DYNC2LI1: variants seen among roughly 807,000 people sequenced by gnomAD.
DYNC2LI1 encodes cytoplasmic dynein 2 light intermediate chain 1.
A neutral mutation model predicts 51.9 loss-of-function variants in DYNC2LI1; 45 were observed. The ratio of observed to expected loss-of-function variants is 0.87; its 90% CI spans 0.68 to 1.11. DYNC2LI1 has a LOEUF of 1.11. DYNC2LI1 is among the 50% of genes most tolerant of loss of function. DYNC2LI1 has a pLI of 0.00. For synonymous variants in DYNC2LI1, 130 were observed against 137.8 expected, an observed-to-expected ratio of 0.94 and a Z score of 0.40; for missense variants, 490 against 417.4, an observed-to-expected ratio of 1.17 and a Z score of -1.51.
At chr2:43,799,426 A>T (rs1056480907) in intron 8 of DYNC2LI1, among the ~76,000 whole-genome samples, 1 of 152,206 alleles carries the variant, frequency 6.6e-6, no homozygotes, top group Non-Finnish European at 1.5e-5. Context: ...GGACCAGGAG[A>T]ATATCACCTA....
In DYNC2LI1 at chr2:43,781,068, T is replaced by TA. The variant is rs372144534; in HGVS notation, c.127-2450dup. 2.0e-4 allele frequency among the ~76,000 whole-genome samples: 30 copies of TA among 152,202 alleles called. 1 individual carries two copies. The highest frequency in any genetic ancestry group is 7.0e-4 in the African/African-American group (29 of 41,538). On this transcript the variant is annotated intron_variant, in intron 2 of 12. Transcript: ENST00000260605. ...AGTGCTATACATTTATATGAAATAA[T>TA]AATAAAAGTGATTTAAGGCCAGGCG...
the DYNC2LI1 span, chr2:43,827,971 G>A: frequency 6.2e-7 from 1 of 1,613,764 alleles, no homozygotes; most frequent in Non-Finnish European, 8.5e-7. Context: ...AACAGTTCTG[G>A]GTGCCACTTA....
chr2:43,813,710 T>TTG (rs1491303474), downstream of DYNC2LI1, among the ~76,000 whole-genome samples: 10 of 46,074 alleles, frequency 2.2e-4, no homozygotes, highest in African/African-American at 1.9e-3. Flanking sequence ...TTTTTTTTCG[T>TTG]TTTTTTTTTT....
chr2:43,825,731 C>G, the DYNC2LI1 span, among the ~76,000 whole-genome samples: 3 of 151,842 alleles, frequency 2.0e-5, no homozygotes, highest in South Asian at 4.2e-4. Flanking sequence ...CTCAGCTTCC[C>G]GAATAGCTGG....
chr2:43,779,153 C>T (rs767303977), intron 2 of DYNC2LI1, among the ~76,000 whole-genome samples: 7 of 152,022 alleles, frequency 4.6e-5, no homozygotes, highest in Non-Finnish European at 5.9e-5. Flanking sequence ...GTCCCAGCTA[C>T]GTGGAAGACT....
the DYNC2LI1 span, among the ~76,000 whole-genome samples, chr2:43,825,601 G>A: frequency 1.3e-5 from 2 of 150,442 alleles, no homozygotes; most frequent in Non-Finnish European, 3.0e-5. Context: ...TTGTTGTTTT[G>A]TTGTTATTGT....
chr2:43,826,831 G>C, the DYNC2LI1 span, among the ~76,000 whole-genome samples: 1 of 152,194 alleles, frequency 6.6e-6, no homozygotes. Context: ...AGGGCTGGCA[G>C]GCTGGCATCA....
At chr2:43,825,185 C>T in the DYNC2LI1 span, among the ~76,000 whole-genome samples, 3 of 152,160 alleles carry the variant, frequency 2.0e-5, no homozygotes, top group Non-Finnish European at 4.4e-5. Flanking sequence ...ATGACCTTGG[C>T]CCTGCATCAG....
intron 2 of DYNC2LI1, among the ~76,000 whole-genome samples, chr2:43,782,315 C>CA (rs992884601): frequency 9.9e-5 from 15 of 151,876 alleles, no homozygotes; most frequent in African/African-American, 3.6e-4. Context: ...TATCTCATTA[C>CA]AAAAAATTTA....
In DYNC2LI1 at chr2:43,786,416, A is replaced by G. The variant is rs561884159; in HGVS notation, c.162-765A>G. Among the ~76,000 whole-genome samples, 3 of 152,134 alleles carry G rather than the reference A, an allele frequency of 2.0e-5. No homozygotes were observed. In the East Asian group the frequency reaches 5.8e-4, roughly 29 times the overall value. Reference sequence around the variant, plus strand: ...AGGCCAGTCTTAAACTCATGGACTCAAGCAATTTACTCGCCTCAGCCTCCC... The same window carrying G: ...AGGCCAGTCTTAAACTCATGGACTCGAGCAATTTACTCGCCTCAGCCTCCC... On this transcript the variant is annotated intron_variant, in intron 3 of 12. Coordinates refer to ENST00000260605, the MANE Select transcript of DYNC2LI1 (RefSeq NM_016008.4).
At chr2:43,819,943 C>T in the DYNC2LI1 span, 1 of 1,614,130 alleles carries the variant, frequency 6.2e-7, no homozygotes, top group East Asian at 2.2e-5. Context: ...ACAAGCACCC[C>T]CGCAATGGAC....
chr2:43,805,219 C>T lies in DYNC2LI1; in HGVS notation c.966C>T (p.Val322=), dbSNP rs752987596. 7.5e-6 allele frequency: 12 copies of T among 1,609,424 alleles called. No individual in the cohort carries two copies. The highest frequency in any genetic ancestry group is 5.0e-5 in the Admixed American group (3 of 59,902). Residue 322 remains valine (V), a synonymous_variant, in exon 12 of 13, where the codon GTC becomes GTT. Transcript: ENST00000260605. ...ARDPQYAENE[V]DEMRIQKDLE... is the part of the protein sequence containing the mutation. ...ATCCTCAGTATGCTGAAAATGAAGT[C>T]GATGAGATGAGAATTCAGAAGGATC...
At chr2:43,796,169 AT>A (rs964915496) in intron 7 of DYNC2LI1, among the ~76,000 whole-genome samples, 23 of 152,156 alleles carry the variant, frequency 1.5e-4, no homozygotes, top group Admixed American at 3.9e-4. Context: ...GATAAGGCAG[AT>A]TTAGAAAATG....
the DYNC2LI1 span, chr2:43,822,716 C>T: frequency 6.8e-7 from 1 of 1,463,854 alleles, no homozygotes; most frequent in Non-Finnish European, 9.1e-7. Context: ...GAACTTCACC[C>T]TGGAGCTCTC....
intron 7 of DYNC2LI1, 35 bp downstream of exon 7, chr2:43,795,993 C>T (rs1264979589): frequency 6.8e-7 from 1 of 1,460,430 alleles, no homozygotes; most frequent in South Asian, 1.2e-5. Context: ...GTTTGTTGTA[C>T]ATATATGGCT....
chr2:43,815,175 C>T, the DYNC2LI1 span, among the ~76,000 whole-genome samples: 18 of 152,176 alleles, frequency 1.2e-4, no homozygotes, highest in African/African-American at 3.9e-4. Context: ...AAGGAGAGAC[C>T]GAACCAACAT....
At chr2:43,813,707 TC>T (rs772922157), downstream of DYNC2LI1, among the ~76,000 whole-genome samples, 10 of 123,582 alleles carry the variant, frequency 8.1e-5, no homozygotes, top group African/African-American at 1.7e-4. Context: ...GTTTTTTTTT[TC>T]GTTTTTTTTT....
chr2:43,808,716 C>A (rs1167620929), intron 12 of DYNC2LI1, among the ~76,000 whole-genome samples: 1 of 152,130 alleles, frequency 6.6e-6, no homozygotes, highest in Non-Finnish European at 1.5e-5. Context: ...CTGCCCTCTC[C>A]CTATCTGTGT....
At chr2:43,787,320 A>G (rs1158866463) in intron 4 of DYNC2LI1, 70 bp downstream of exon 4, 20 of 1,283,338 alleles carry the variant, frequency 1.6e-5, no homozygotes, top group Non-Finnish European at 2.1e-5. Flanking sequence ...TTTGTTTTAC[A>G]TTTTCCATCT....
Sources: allele counts gnomAD v4.1 joint callset (sites outside exome capture counted in the v4.1 genomes callset), GRCh38; gene constraint gnomAD v4.1.1; transcripts MANE v1.5; gene names NCBI Gene and HGNC (gene_info 2026-07-23, HGNC 2026-07-21).